The following BTBD9 variants were observed in gnomAD, a reference collection of about 807,000 sequenced individuals.
BTBD9 encodes BTB domain containing 9, also known as BTB/POZ domain-containing protein 9.
BTBD9 carries 49 observed loss-of-function variants against 64.3 expected under a neutral mutation model. The ratio of observed to expected loss-of-function variants is 0.76; its 90% CI spans 0.61 to 0.97. The LOEUF is 0.97. BTBD9 is among the 50% of genes least tolerant of loss of function. The probability of loss-of-function intolerance (pLI) is 0.00; values close to 1 mark genes in which losing one functional copy is unlikely to be tolerated. For synonymous variants in BTBD9, 260 were observed against 274.7 expected (o/e 0.95, Z 0.53); for missense variants, 598 against 762.1 (o/e 0.78, Z 2.53).
chr6:38,599,838 T>C (rs985696022), intron 1 of BTBD9, among the ~76,000 whole-genome samples: 2 of 152,136 alleles, frequency 1.3e-5, no homozygotes, highest in African/African-American at 4.8e-5. Context: ...GGGGGAGCAA[T>C]AGCAGCGATG....
In BTBD9 at chr6:38,544,983, A is replaced by C. The variant is rs200001532; in HGVS notation, c.1154+32617T>G. Among the ~76,000 whole-genome samples, 58 of 144,390 alleles carry C rather than the reference A, an allele frequency of 4.0e-4. 3 individuals are homozygous for C. The South Asian group carries it at 0.013, about 32-fold the overall frequency. 94.7% of individuals were successfully genotyped at this position (144,390 alleles called of 152,430 possible). On this transcript the variant is annotated intron_variant, in intron 6 of 10. Transcript: ENST00000481247. The stretch of plus-strand genomic sequence containing the variant: ...AAGACTGATAAGGGGAGATGGTTGT[A>C]GGAGATGAAGCCTGAGAGGTAAGAG...
At chr6:38,584,825 T>A (rs1477358519) in intron 4 of BTBD9, among the ~76,000 whole-genome samples, 1 of 152,074 alleles carries the variant, frequency 6.6e-6, no homozygotes, top group Non-Finnish European at 1.5e-5. Context: ...TACCTCCCCC[T>A]TTTTCCCACT....
intron 6 of BTBD9, chr6:38,565,885 G>A (rs929198082): frequency 6.6e-6 from 1 of 152,164 alleles, no homozygotes; most frequent in African/African-American, 2.4e-5. Context: ...ATAGGGGACT[G>A]GTCAGGTAAG....
chr6:38,494,551 C>T (rs1582524481), intron 6 of BTBD9, among the ~76,000 whole-genome samples: 1 of 152,262 alleles, frequency 6.6e-6, no homozygotes, highest in East Asian at 1.9e-4. Context: ...AATTATGGAA[C>T]TCTATTTTGC....
chr6:38,350,028 A>G (rs771334702), intron 6 of BTBD9, among the ~76,000 whole-genome samples: 1 of 152,160 alleles, frequency 6.6e-6, no homozygotes, highest in African/African-American at 2.4e-5. Context: ...CCAACCCAGG[A>G]TCCCTTCTTG....
At chr6:38,476,867 CA>C (rs150481294) in intron 6 of BTBD9, among the ~76,000 whole-genome samples, 3,706 of 152,320 alleles carry the variant, frequency 0.024, 78 homozygotes, top group South Asian at 0.085. Context: ...GCCAATATGG[CA>C]AATAATCATA....
chr6:38,248,676 C>T (rs190952250), intron 9 of BTBD9, among the ~76,000 whole-genome samples: 4 of 152,286 alleles, frequency 2.6e-5, no homozygotes, highest in East Asian at 3.9e-4. Context: ...CAGCACAGGC[C>T]GTGGTGCTTT....
intron 7 of BTBD9, among the ~76,000 whole-genome samples, chr6:38,333,879 G>C (rs1292526812): frequency 6.6e-6 from 1 of 152,174 alleles, no homozygotes; most frequent in East Asian, 1.9e-4. Flanking sequence ...CTTTGGAACT[G>C]GGTAATAGGT....
chr6:38,219,244 C>G (rs1561888279), intron 9 of BTBD9, among the ~76,000 whole-genome samples: 1 of 151,468 alleles, frequency 6.6e-6, no homozygotes. Flanking sequence ...AAACAATTCC[C>G]CCACCTCAGC....
At chr6:38,566,655 T>C (rs566894895) in intron 6 of BTBD9, among the ~76,000 whole-genome samples, 50 of 152,248 alleles carry the variant, frequency 3.3e-4, no homozygotes, top group Middle Eastern at 6.8e-3. Context: ...GATTCTCAAG[T>C]AGAAAAGAAA....
intron 6 of BTBD9, among the ~76,000 whole-genome samples, chr6:38,458,616 GAACT>G (rs1326904397): frequency 6.6e-6 from 1 of 152,172 alleles, no homozygotes; most frequent in Non-Finnish European, 1.5e-5. Context: ...CTAACAGGAA[GAACT>G]AACCAAAGAT....
At chr6:38,490,810 T>C (rs1455211084) in intron 6 of BTBD9, among the ~76,000 whole-genome samples, 4 of 152,150 alleles carry the variant, frequency 2.6e-5, no homozygotes, top group Non-Finnish European at 5.9e-5. Context: ...ATGTGGCTTA[T>C]AGAATTTATT....
chr6:38,307,117 G>A (rs771708115), intron 7 of BTBD9, among the ~76,000 whole-genome samples: 19 of 152,128 alleles, frequency 1.2e-4, no homozygotes, highest in Admixed American at 9.2e-4. Flanking sequence ...CACACCAGTG[G>A]CCTAGCCCCA....
At chr6:38,559,848 A>C (rs1160387324) in intron 6 of BTBD9, among the ~76,000 whole-genome samples, 1 of 152,320 alleles carries the variant, frequency 6.6e-6, no homozygotes, top group Middle Eastern at 3.4e-3. Flanking sequence ...TATTTAATAA[A>C]CAGTGCTGGG....
chr6:38,253,616 T>C (rs1473922747), intron 9 of BTBD9, among the ~76,000 whole-genome samples: 2 of 152,122 alleles, frequency 1.3e-5, no homozygotes, highest in Non-Finnish European at 2.9e-5. Context: ...AAGAGACCTG[T>C]GGTGGGTAAG....
intron 1 of BTBD9, among the ~76,000 whole-genome samples, chr6:38,630,913 C>G (rs943091931): frequency 6.6e-6 from 1 of 152,178 alleles, no homozygotes; most frequent in African/African-American, 2.4e-5. Flanking sequence ...GCCATGCAGC[C>G]CAATGTCACT....
At chr6:38,483,392 T>C (rs111814431) in intron 6 of BTBD9, among the ~76,000 whole-genome samples, 55 of 152,220 alleles carry the variant, frequency 3.6e-4, no homozygotes, top group African/African-American at 1.3e-3. Context: ...TCTTCCTGCC[T>C]CACTGGCAGC....
chr6:38,337,826 C>T (rs945635438), intron 7 of BTBD9, among the ~76,000 whole-genome samples: 3 of 152,176 alleles, frequency 2.0e-5, no homozygotes, highest in African/African-American at 4.8e-5. Flanking sequence ...TTGAAAACTA[C>T]GGTTTCCCAG....
chr6:38,637,675 G>A (rs1778572319), intron 1 of BTBD9, among the ~76,000 whole-genome samples: 3 of 152,134 alleles, frequency 2.0e-5, no homozygotes, highest in African/African-American at 7.2e-5. Context: ...AATGGCCCAA[G>A]TACATCAGGT....
Sources: gnomAD v4.1 joint callset for allele counts (sites outside exome capture counted in the v4.1 genomes callset) on GRCh38, gnomAD v4.1.1 for gene constraint, MANE v1.5 for transcripts, NCBI Gene and HGNC (gene_info 2026-07-23, HGNC 2026-07-21) for gene names.